The following PTGR3 variants were observed in gnomAD, a reference collection of about 807,000 sequenced individuals.
PTGR3 encodes the protein zinc binding alcohol dehydrogenase domain containing 2.
chr18:75,201,281 C>G, the PTGR3 span: 3 of 738,432 alleles, frequency 4.1e-6, no homozygotes, highest in South Asian at 6.4e-5. Context: ...GAAGGAGAGA[C>G]CTATTCATTA....
the PTGR3 span, among the ~76,000 whole-genome samples, chr18:75,204,858 C>A: frequency 2.0e-5 from 3 of 152,182 alleles, no homozygotes; most frequent in African/African-American, 7.2e-5. Context: ...TCTCCGAGTC[C>A]CGTGCACTCG....
At chr18:75,196,667 T>G in the PTGR3 span, 3 of 147,288 alleles carry the variant, frequency 2.0e-5, no homozygotes, top group South Asian at 4.3e-4. Context: ...AGTCTGTACT[T>G]TGGCCCAGCG....
At chr18:75,209,060 G>A in the PTGR3 span, 1 of 1,530,766 alleles carries the variant, frequency 6.5e-7, no homozygotes, top group Non-Finnish European at 8.8e-7. This position sits in a 1 kb window ranked among gnomAD's most constrained non-coding sequence, Gnocchi z 4.7. Flanking sequence ...CCGCAGCATG[G>A]CCTGCGCCTC....
chr18:75,201,922 A>G, the PTGR3 span: 74 of 1,614,090 alleles, frequency 4.6e-5, no homozygotes, highest in Non-Finnish European at 6.3e-5. Context: ...AGAAAAGCAG[A>G]CTTTTCATCA....
At chr18:75,197,408 C>T in the PTGR3 span, 6 of 152,008 alleles carry the variant, frequency 3.9e-5, no homozygotes, top group South Asian at 2.1e-4. Flanking sequence ...TTCTATATAC[C>T]CGTAAGAATT....
the PTGR3 span, chr18:75,202,065 A>C: frequency 6.2e-7 from 1 of 1,613,944 alleles, no homozygotes; most frequent in Admixed American, 1.7e-5. Flanking sequence ...TTTCAGGCTG[A>C]TGTATGCGGT....
At chr18:75,202,485 T>C in the PTGR3 span, 1,804 of 657,174 alleles carry the variant, frequency 2.7e-3, 33 homozygotes, top group African/African-American at 0.029. Context: ...AAATTAGTCC[T>C]GCTGCTCAGA....
the PTGR3 span, chr18:75,198,768 T>C: frequency 6.6e-6 from 1 of 152,188 alleles, no homozygotes; most frequent in Non-Finnish European, 1.5e-5. Context: ...CGCTGAGAAA[T>C]AATTTACTCA....
the PTGR3 span, chr18:75,202,439 G>C: frequency 9.0e-7 from 1 of 1,107,788 alleles, no homozygotes; most frequent in Non-Finnish European, 1.3e-6. Context: ...GACCCTGGAG[G>C]GGTTGCTAAG....
At chr18:75,201,943 T>A in the PTGR3 span, 1 of 1,614,064 alleles carries the variant, frequency 6.2e-7, no homozygotes, top group African/African-American at 1.3e-5. Context: ...GAAGAGCAGG[T>A]TCCAATTACA....
chr18:75,205,569 G>A, the PTGR3 span: 45 of 838,920 alleles, frequency 5.4e-5, no homozygotes, highest in Non-Finnish European at 6.5e-5. Flanking sequence ...AAACCCCCTC[G>A]TCATGTTTAC....
At chr18:75,205,189 TTAC>T in the PTGR3 span, 15 of 985,396 alleles carry the variant, frequency 1.5e-5, no homozygotes, top group African/African-American at 1.7e-5. Context: ...GCCTGAGTCC[TTAC>T]CTCTGCGTGA....
the PTGR3 span, chr18:75,201,889 G>A: frequency 6.2e-7 from 1 of 1,614,074 alleles, no homozygotes; most frequent in Admixed American, 1.7e-5. Context: ...TAGTTGATAG[G>A]ACGATCACAG....
the PTGR3 span, chr18:75,208,355 G>C: frequency 6.1e-6 from 6 of 986,784 alleles, no homozygotes; most frequent in East Asian, 6.8e-4. Flanking sequence ...CGAGGCGGCT[G>C]CCAACCTGGA....
chr18:75,208,776 C>A, the PTGR3 span: 28 of 1,295,290 alleles, frequency 2.2e-5, no homozygotes, highest in Non-Finnish European at 2.6e-5. Flanking sequence ...GGGCTGGGGA[C>A]TGCGGGAGCG....
the PTGR3 span, chr18:75,197,551 G>A: frequency 6.6e-6 from 1 of 152,068 alleles, no homozygotes; most frequent in Non-Finnish European, 1.5e-5. Context: ...TGATAATCCC[G>A]CTTAAAGTGA....
At chr18:75,196,220 C>T in the PTGR3 span, 2 of 152,142 alleles carry the variant, frequency 1.3e-5, no homozygotes, top group African/African-American at 4.8e-5. Flanking sequence ...TAGATGCTAC[C>T]ACCTATGTGC....
At chr18:75,202,115 T>G in the PTGR3 span, 9 of 1,614,006 alleles carry the variant, frequency 5.6e-6, no homozygotes, top group Non-Finnish European at 6.8e-6. Context: ...CGGGTTTCAC[T>G]GAGGGCACTG....
chr18:75,207,061 C>T, the PTGR3 span, among the ~76,000 whole-genome samples: 5 of 152,296 alleles, frequency 3.3e-5, no homozygotes, highest in South Asian at 8.3e-4. Flanking sequence ...AAAAACCCCA[C>T]AGAGTTTATT....
Sources: gnomAD v4.1 joint callset for allele counts (sites outside exome capture counted in the v4.1 genomes callset) on GRCh38, gnomAD v4.1.1 for gene constraint, Gnocchi (gnomAD v3.1) non-coding constraint, MANE v1.5 for transcripts, NCBI Gene and HGNC (gene_info 2026-07-23, HGNC 2026-07-21) for gene names.